MINDY4: variants seen among roughly 807,000 people sequenced by gnomAD.
MINDY4 encodes MINDY lysine 48 deubiquitinase 4.
MINDY4 carries 68 observed loss-of-function variants against 87.0 expected under a neutral mutation model. The ratio of observed to expected loss-of-function variants is 0.78; its 90% CI spans 0.64 to 0.96. The LOEUF (loss-of-function observed/expected upper bound fraction) is 0.96. MINDY4 is among the 40% of genes least tolerant of loss of function. MINDY4 has a pLI of 0.00. For missense variants in MINDY4, 919 were observed against 928.2 expected (o/e 0.99, Z 0.13); for synonymous variants, 379 against 363.2 (o/e 1.04, Z -0.50).
chr7:30,785,760 T>C lies in MINDY4; in HGVS notation c.431T>C (p.Leu144Pro), dbSNP rs751376715. The C allele has an allele frequency of 2.5e-6, 4 of 1,614,242 alleles. No homozygotes were observed. The highest frequency in any genetic ancestry group is 3.3e-5 in the Admixed American group (2 of 60,032). Residue 144 changes from leucine to proline, a missense_variant, in exon 4 of 18, where the codon CTT (leucine) becomes CCT (proline). Transcript: ENST00000265299. ...SETSKARHDN[L>P]DGDVLGNFVS... ...TTCCTTTTTCACAGACATGACAATC[T>C]TGATGGAGATGTACTTGGTAATTTT...
Position 30,836,721 on chromosome 7 carries a change from A to G in MINDY4, c.1196A>G (p.Lys399Arg). ...CTGTCGCCAGTCCCATCAGTGCTCA[A>G]GTTGCAGACAGCATCAAAACCAATT... ...VILSPVPSVL[K>R]LQTASKPIDL... The change falls in exon 7 of 18, where the codon AAG becomes AGG. Residue 399 changes from lysine to arginine, a missense_variant. Physicochemically the swap from Lys to Arg is conservative, Grantham distance 26 (BLOSUM62 2). Transcript: ENST00000265299. 6.2e-7 allele frequency: 1 copy of G among 1,614,164 alleles called. No individual in the cohort carries two copies. The highest frequency in any genetic ancestry group is 8.5e-7 in the Non-Finnish European group (1 of 1,180,004).
intron 13 of MINDY4, among the ~76,000 whole-genome samples, chr7:30,860,186 C>T (rs1245159290): frequency 1.3e-5 from 2 of 152,096 alleles, no homozygotes; most frequent in Admixed American, 6.5e-5. Flanking sequence ...AGTGGGGAGG[C>T]AGGGTGAGTA....
chr7:30,877,820 T>C (rs891174652), intron 15 of MINDY4, among the ~76,000 whole-genome samples: 1 of 125,268 alleles, frequency 8.0e-6, no homozygotes, highest in Non-Finnish European at 1.6e-5. Flanking sequence ...TACAGGGACA[T>C]GCTTTTTTTT....
At chr7:30,782,359 TGTG>T in intron 3 of MINDY4, 147 bp downstream of exon 3, 1 of 661,014 alleles carries the variant, frequency 1.5e-6, no homozygotes, top group Non-Finnish European at 2.6e-6. Flanking sequence ...TGTGTGTGTG[TGTG>T]TGTGTGTGTG....
chr7:30,838,397 G>GCGGCATCA (rs1428653383), intron 7 of MINDY4, among the ~76,000 whole-genome samples: 5 of 152,174 alleles, frequency 3.3e-5, no homozygotes, highest in Non-Finnish European at 2.9e-5. Flanking sequence ...CCACTCATGG[G>GCGGCATCA]CGGCATCACA....
chr7:30,791,740 G>T (rs533771433), intron 5 of MINDY4, among the ~76,000 whole-genome samples, 166 bp downstream of exon 5: 3 of 152,338 alleles, frequency 2.0e-5, no homozygotes, highest in South Asian at 2.1e-4. Flanking sequence ...CAACCAGGAA[G>T]AAAACTCAGC....
chr7:30,809,027 A>G (rs564039814), intron 5 of MINDY4, among the ~76,000 whole-genome samples: 19 of 151,714 alleles, frequency 1.3e-4, no homozygotes, highest in African/African-American at 4.4e-4. Flanking sequence ...AAAGAGAGAA[A>G]GAAAGAAAGA....
chr7:30,806,551 G>A (rs1584258905), intron 5 of MINDY4, among the ~76,000 whole-genome samples: 1 of 152,236 alleles, frequency 6.6e-6, no homozygotes, highest in African/African-American at 2.4e-5. Context: ...TGGAAAGTGA[G>A]GTTGGAGTCA....
intron 4 of MINDY4, among the ~76,000 whole-genome samples, chr7:30,788,335 G>A (rs546978788): frequency 6.6e-6 from 1 of 152,202 alleles, no homozygotes; most frequent in East Asian, 1.9e-4. Context: ...TATCAGTTTC[G>A]CTTGATATGT....
chr7:30,800,541 T>C (rs1787618334), intron 5 of MINDY4, among the ~76,000 whole-genome samples: 1 of 152,014 alleles, frequency 6.6e-6, no homozygotes, highest in African/African-American at 2.4e-5. Context: ...CAGGGTGCAC[T>C]GGGATGCCCT....
intron 5 of MINDY4, among the ~76,000 whole-genome samples, chr7:30,819,654 G>A (rs1788263366): frequency 6.6e-6 from 1 of 152,000 alleles, no homozygotes; most frequent in South Asian, 2.1e-4. Context: ...ATGTTTTGAA[G>A]CTTTGTTGTT....
At chr7:30,782,752 G>A (rs1392669018) in intron 3 of MINDY4, among the ~76,000 whole-genome samples, 1 of 152,112 alleles carries the variant, frequency 6.6e-6, no homozygotes, top group South Asian at 2.1e-4. Flanking sequence ...TGATGGGACT[G>A]TAAGGGCTGG....
chr7:30,830,869 G>A (rs1788681462), intron 6 of MINDY4, among the ~76,000 whole-genome samples: 1 of 152,222 alleles, frequency 6.6e-6, no homozygotes, highest in South Asian at 2.1e-4. Context: ...GTATATATGA[G>A]AAAGATTGGT....
Position 30,782,177 on chromosome 7 carries a change from A to G in MINDY4, c.384A>G (p.Gly128=). The G allele has an allele frequency of 1.9e-6, 3 of 1,613,678 alleles. No homozygotes were observed. Among genetic ancestry groups the G allele is most frequent in the Non-Finnish European group, 1.7e-6 (2 of 1,179,846 alleles). The change falls in exon 3 of 18, where the codon GGA becomes GGG. Residue 128 remains glycine (G), a synonymous_variant. Coordinates refer to ENST00000265299, the MANE Select transcript of MINDY4 (RefSeq NM_032222.3). ...NIYDLSDEDA[G]WRTSLSETSK... ...ATGACCTTTCAGATGAAGATGCAGG[A>G]TGGAGAACATCATTGTCAGAAACAA...
At chr7:30,861,236 C>T (rs1238901154) in intron 13 of MINDY4, among the ~76,000 whole-genome samples, 1 of 152,226 alleles carries the variant, frequency 6.6e-6, no homozygotes, top group African/African-American at 2.4e-5. Context: ...ACACTGTGGC[C>T]TCCCCTTCCC....
chr7:30,797,907 T>G (rs1295895699), intron 5 of MINDY4, among the ~76,000 whole-genome samples: 2 of 152,108 alleles, frequency 1.3e-5, no homozygotes, highest in East Asian at 1.9e-4. Flanking sequence ...TATACATACA[T>G]ACAGACATAC....
At chr7:30,843,921 T>TG (rs893204464) in intron 9 of MINDY4, among the ~76,000 whole-genome samples, 3 of 151,938 alleles carry the variant, frequency 2.0e-5, no homozygotes, top group African/African-American at 7.3e-5. Flanking sequence ...CCAGACCTTA[T>TG]GGGGGGGCCT....
At chr7:30,792,021 C>T (rs1787340151) in intron 5 of MINDY4, among the ~76,000 whole-genome samples, 1 of 152,220 alleles carries the variant, frequency 6.6e-6, no homozygotes, top group African/African-American at 2.4e-5. Context: ...CAAAACATAC[C>T]TGCAGCAACA....
intron 5 of MINDY4, among the ~76,000 whole-genome samples, chr7:30,813,067 G>A (rs1788050398): frequency 6.6e-6 from 1 of 152,200 alleles, no homozygotes; most frequent in African/African-American, 2.4e-5. Flanking sequence ...ACTGGGGAGG[G>A]AGACGATGGT....
Sources: allele counts gnomAD v4.1 joint callset (sites outside exome capture counted in the v4.1 genomes callset), GRCh38; gene constraint gnomAD v4.1.1; transcripts MANE v1.5; gene names NCBI Gene and HGNC (gene_info 2026-07-23, HGNC 2026-07-21).